KCNH2: variants seen among roughly 807,000 people sequenced by gnomAD.
KCNH2 encodes the protein voltage-gated inwardly rectifying potassium channel KCNH2.
KCNH2 carries 35 observed loss-of-function variants against 95.9 expected under a neutral mutation model. The ratio of observed to expected loss-of-function variants is 0.37; its 90% CI spans 0.28 to 0.48. The LOEUF (loss-of-function observed/expected upper bound fraction) is 0.48, where lower values mean the gene tolerates loss of function less well. Ranked by LOEUF, KCNH2 falls within the 20% of genes least tolerant of loss-of-function variation. The pLI, the probability that KCNH2 is intolerant of heterozygous loss-of-function variation, is 0.99. For missense variants in KCNH2, 1,274 were observed against 1,702.9 expected (o/e 0.75, Z 4.43); for synonymous variants, 786 against 754.7 (o/e 1.04, Z -0.68).
intron 1 of KCNH2, among the ~76,000 whole-genome samples, chr7:150,976,695 G>A (rs2117069495): frequency 6.6e-6 from 1 of 152,110 alleles, no homozygotes; most frequent in South Asian, 2.1e-4. Flanking sequence ...AAGGTCACAT[G>A]GCAGTCAGTG....
chr7:150,966,917 T>C (rs1251194859), intron 2 of KCNH2, among the ~76,000 whole-genome samples: 1 of 152,182 alleles, frequency 6.6e-6, no homozygotes, highest in Non-Finnish European at 1.5e-5. Context: ...AGAACCAAAC[T>C]AATTCCAATC....
In KCNH2 at chr7:150,945,664, C is replaced by A. The variant is rs41313071; in HGVS notation, c.3331-150G>T. On this transcript the variant is annotated intron_variant, in intron 14 of 14. Coordinates refer to ENST00000262186, the MANE Select transcript of KCNH2 (RefSeq NM_000238.4). This position sits in a 1 kb window ranked among gnomAD's most constrained non-coding sequence, Gnocchi z 5.6. ...AGGTGGGCAGAGAAGCTGGAGGGGA[C>A]AAGAGCCAAGGCAGCGAGAGCAGGA... 0.031 allele frequency: 26,073 copies of A among 833,666 alleles called. 570 individuals carry two copies. The highest frequency in any genetic ancestry group is 0.041 in the Non-Finnish European group (21,016 of 509,112). 51.6% of individuals were successfully genotyped at this position (833,666 alleles called of 1,614,324 possible). A position where few individuals can be genotyped will look rare whatever the true frequency, so the allele number is the denominator to read the frequency against.
intron 2 of KCNH2, among the ~76,000 whole-genome samples, chr7:150,969,296 C>T (rs2117045442): frequency 6.6e-6 from 1 of 152,344 alleles, no homozygotes; most frequent in East Asian, 1.9e-4. Context: ...ATGAGGACCA[C>T]CTGCGGTAAA....
At chr7:150,950,144 C>CCGGGGGG in intron 9 of KCNH2, 24 bp downstream of exon 9, 1 of 1,589,010 alleles carries the variant, frequency 6.3e-7, no homozygotes, top group African/African-American at 1.4e-5. Flanking sequence ...ATTTCCAGTC[C>CCGGGGGG]AGTGCCCGCC....
chr7:150,965,636 G>A (rs1801683447), intron 2 of KCNH2, among the ~76,000 whole-genome samples: 1 of 152,046 alleles, frequency 6.6e-6, no homozygotes, highest in Non-Finnish European at 1.5e-5. Context: ...CCTCTAGAAA[G>A]GTTTCCTTGA....
intron 2 of KCNH2, among the ~76,000 whole-genome samples, chr7:150,972,452 A>T (rs1039861097): frequency 1.3e-5 from 2 of 152,248 alleles, no homozygotes; most frequent in African/African-American, 4.8e-5. Context: ...GTTTCAAGGC[A>T]GAAGAAGCGG....
At chr7:150,970,486 T>C (rs1285160144) in intron 2 of KCNH2, among the ~76,000 whole-genome samples, 1 of 152,222 alleles carries the variant, frequency 6.6e-6, no homozygotes, top group Non-Finnish European at 1.5e-5. Flanking sequence ...AGTTGCGTCA[T>C]GCCTGCCTCA....
chr7:150,954,275 A>C (rs1801288691), intron 5 of KCNH2, among the ~76,000 whole-genome samples: 1 of 152,034 alleles, frequency 6.6e-6, no homozygotes, highest in Non-Finnish European at 1.5e-5. Flanking sequence ...GACTGAAAAA[A>C]AAAAAAGAAA....
Position 150,952,407 on chromosome 7 carries a change from C to T in KCNH2, c.1557+18G>A, listed in dbSNP as rs781779828. The stretch of plus-strand genomic sequence containing the variant: ...GCCTCTCCTCTCCCTACACCACCTG[C>T]CTCCTTGCTGACCCCACCTCCTCAG... On this transcript the variant is annotated intron_variant, in intron 6 of 14. Transcript: ENST00000262186. The surrounding 1 kb of genome is among the most constrained non-coding windows in gnomAD (Gnocchi z 7.3). 6 of 1,612,738 alleles carry T rather than the reference C, an allele frequency of 3.7e-6. No individual in the cohort carries two copies. The highest frequency in any genetic ancestry group is 4.2e-6 in the Non-Finnish European group (5 of 1,179,420).
Position 150,965,612 on chromosome 7 carries a change from G to C in KCNH2, c.308-5876C>G, listed in dbSNP as rs372897158. Among the ~76,000 whole-genome samples the C allele has an allele frequency of 3.9e-4, 59 of 151,580 alleles. No individual in the cohort carries two copies. The East Asian group carries it at 9.5e-3, about 24-fold the overall frequency. ...CCCTCTTCCCTCCAACTCCTCCCCA[G>C]CCTTCTAGGACCCCCTCTAGAAAGG... On this transcript the variant is annotated intron_variant, in intron 2 of 14. Transcript: ENST00000262186.
At chr7:150,976,436 A>T (rs1180591168) in intron 1 of KCNH2, among the ~76,000 whole-genome samples, 3 of 152,022 alleles carry the variant, frequency 2.0e-5, no homozygotes, top group African/African-American at 7.3e-5. Flanking sequence ...AAGACCCCCT[A>T]ACTCGGCCTC....
At position 150,951,143 on chromosome 7, in the gene KCNH2, C is replaced by T. The variant is rs767094055; in HGVS notation, c.1946-23G>A. ...GGGCTGGGGGCGTGGGCACGTGGGG[C>T]CGTCAGCCTCTGCAGGGACCCCACC... On this transcript the variant is annotated intron_variant, in intron 7 of 14. Transcript: ENST00000262186. The T allele has an allele frequency of 2.2e-5, 34 of 1,576,664 alleles. No individual in the cohort carries two copies. In the South Asian group the frequency reaches 3.9e-4, roughly 18 times the overall value.
At chr7:150,949,541 T>C (rs1801053366) in intron 9 of KCNH2, 3 of 902,128 alleles carry the variant, frequency 3.3e-6, no homozygotes, top group Middle Eastern at 5.2e-4. Context: ...TTGATTTTAG[T>C]TTTGTGGGGG....
At chr7:150,974,627 A>AC in intron 2 of KCNH2, 84 bp downstream of exon 2, 4 of 346,190 alleles carry the variant, frequency 1.2e-5, no homozygotes, top group East Asian at 7.6e-5. Flanking sequence ...ACACCCCCAC[A>AC]CCCCCACGCA....
In KCNH2 at chr7:150,975,358, C is replaced by A. The variant is rs117295289; in HGVS notation, c.77-417G>T. Among the ~76,000 whole-genome samples the A allele has an allele frequency of 1.2e-4, 19 of 152,332 alleles. No homozygotes were observed. The East Asian group carries it at 3.7e-3, about 29-fold the overall frequency. ...GCGGCCAGGATTCCCTTTGCATCGGCTCTCTGGATTCTGCTTTTAATTTCC... is the reference window on the plus strand; with the variant it reads ...GCGGCCAGGATTCCCTTTGCATCGGATCTCTGGATTCTGCTTTTAATTTCC... On this transcript the variant is annotated intron_variant, in intron 1 of 14. Coordinates refer to ENST00000262186, the MANE Select transcript of KCNH2 (RefSeq NM_000238.4).
intron 13 of KCNH2, 47 bp downstream of exon 13, chr7:150,947,281 G>A: frequency 6.8e-7 from 1 of 1,468,618 alleles, no homozygotes; most frequent in Non-Finnish European, 9.2e-7. Context: ...CCAGGACCTG[G>A]ACCAGACTCC....
chr7:150,974,657 C>A, intron 2 of KCNH2, 54 bp downstream of exon 2: 2 of 608,236 alleles, frequency 3.3e-6, no homozygotes, highest in African/African-American at 1.9e-5. Context: ...TCGCCGTGGT[C>A]CCGCCCCTCT....
At chr7:150,969,647 A>G (rs1432387974) in intron 2 of KCNH2, among the ~76,000 whole-genome samples, 1 of 152,202 alleles carries the variant, frequency 6.6e-6, no homozygotes, top group Non-Finnish European at 1.5e-5. Flanking sequence ...TCATTCAGCA[A>G]ACAGTGCCGA....
At chr7:150,975,046 G>T (rs1801946651) in intron 1 of KCNH2, 105 bp from the exon 2 acceptor site, 2 of 969,598 alleles carry the variant, frequency 2.1e-6, no homozygotes, top group African/African-American at 1.7e-5. Context: ...GGGACTCCCC[G>T]CCACAGGAAG....
Sources: gnomAD v4.1 joint callset for allele counts (sites outside exome capture counted in the v4.1 genomes callset) on GRCh38, gnomAD v4.1.1 for gene constraint, Gnocchi (gnomAD v3.1) non-coding constraint, MANE v1.5 for transcripts, NCBI Gene and HGNC (gene_info 2026-07-23, HGNC 2026-07-21) for gene names.